The following ADNP variants were observed in gnomAD, a reference collection of about 807,000 sequenced individuals.
ADNP encodes activity dependent neuroprotector homeobox.
In ADNP, 4 loss-of-function variants were observed where a neutral mutation model predicts 84.9. The ratio of observed to expected loss-of-function variants is 0.05; its 90% CI spans 0.02 to 0.11. ADNP has a LOEUF of 0.11. Ranked by LOEUF, ADNP falls within the 10% of genes least tolerant of loss-of-function variation. ADNP has a pLI of 1.00. For synonymous variants in ADNP, 554 were observed against 468.1 expected (o/e 1.18, Z -2.37); for missense variants, 1,132 against 1,326.0 (o/e 0.85, Z 2.27).
rs1350622239 is a variant in ADNP at position 50,893,713 on chromosome 20, A to C, written c.1001T>G (p.Val334Gly). The C allele has an allele frequency of 1.2e-6, 2 of 1,613,874 alleles. No individual in the cohort carries two copies. Among genetic ancestry groups the C allele is most frequent in the South Asian group, 2.2e-5 (2 of 91,076 alleles). Residue 334 changes from valine (V) to glycine (G), a missense_variant, in exon 6 of 6, where the codon GTC (valine) becomes GGC (glycine). Physicochemically the swap from Val to Gly is moderately radical, Grantham distance 109 (BLOSUM62 -3). Around this residue, in one of 10 missense-constraint regions of ADNP, gnomAD observed 239 missense variants for 213.2 expected, o/e 1.12. Coordinates refer to ENST00000621696, the MANE Select transcript of ADNP (RefSeq NM_001282531.3). The surrounding 1 kb of genome is among the most constrained non-coding windows in gnomAD (Gnocchi z 4.4). ...ACTGTAACCCTGGCCTACAGATTTG[A>C]CTCCATAGTTGTTCTGCTGCAGATG... ...SVHLQQNNYG[V>G]KSVGQGYSVG...
intron 2 of ADNP, among the ~76,000 whole-genome samples, chr20:50,913,541 T>C (rs1233224472): frequency 6.6e-6 from 1 of 152,194 alleles, no homozygotes; most frequent in African/African-American, 2.4e-5. Flanking sequence ...TAAGTTATGC[T>C]GGCAATTTTC....
rs1982189409 is a variant in ADNP at position 50,903,525 on chromosome 20, C to G, written c.108+364G>C. Among the ~76,000 whole-genome samples, 8 of 152,326 alleles carry G rather than the reference C, an allele frequency of 5.3e-5. No individual in the cohort carries two copies. The South Asian group carries it at 1.7e-3, about 32-fold the overall frequency. On this transcript the variant is annotated intron_variant, in intron 4 of 5. Transcript: ENST00000621696. ...AGTCCCACAGACACTGCCACTTTCT[C>G]AGCTGCAAGGCTGGGCCTATTTATT...
At chr20:50,904,256 TCA>T in intron 3 of ADNP, 1 of 423,772 alleles carries the variant, frequency 2.4e-6, no homozygotes, top group Non-Finnish European at 4.3e-6. Context: ...TGCAGTGCAC[TCA>T]TGGTTCATTG....
At chr20:50,902,988 A>G (rs779900933) in intron 4 of ADNP, among the ~76,000 whole-genome samples, 2 of 152,236 alleles carry the variant, frequency 1.3e-5, no homozygotes, top group African/African-American at 2.4e-5. Flanking sequence ...CTCTTCAAGT[A>G]TTATTAGTGG....
chr20:50,910,581 T>C (rs1221660846), intron 2 of ADNP, among the ~76,000 whole-genome samples: 1 of 152,230 alleles, frequency 6.6e-6, no homozygotes, highest in Non-Finnish European at 1.5e-5. Flanking sequence ...AGTAAGGCCC[T>C]GCCTCTAAAT....
intron 2 of ADNP, 135 bp downstream of exon 2, chr20:50,928,516 A>C (rs1984436962): frequency 6.6e-6 from 1 of 152,274 alleles, no homozygotes. Flanking sequence ...TACTGCAACC[A>C]GCTCTAACCG....
At chr20:50,925,698 G>C (rs1984243955) in intron 2 of ADNP, among the ~76,000 whole-genome samples, 1 of 152,226 alleles carries the variant, frequency 6.6e-6, no homozygotes, top group African/African-American at 2.4e-5. Flanking sequence ...GTTTATACTA[G>C]TTTCAAACAC....
At chr20:50,921,902 G>A (rs1405733174) in intron 2 of ADNP, among the ~76,000 whole-genome samples, 1 of 152,172 alleles carries the variant, frequency 6.6e-6, no homozygotes, top group Non-Finnish European at 1.5e-5. Flanking sequence ...AGTGTGAGGT[G>A]AGGAGCACTT....
Position 50,889,559 on chromosome 20 carries a change from CA to C in ADNP, c.*1845del, listed in dbSNP as rs889164937. The C allele has an allele frequency of 2.7e-5, 7 of 259,458 alleles. No individual in the cohort carries two copies. The highest frequency in any genetic ancestry group is 1.5e-4 in the African/African-American group (7 of 45,556). The allele number at this position is 259,458 out of a possible 1,614,324, so 16.1% of individuals were successfully genotyped here. ...GCTTACATTTTAGGGAGAGGCTGGTCAAATCTCTACTCTCTGGTAACAGCAT... is the reference window on the plus strand; with the variant it reads ...GCTTACATTTTAGGGAGAGGCTGGTCAATCTCTACTCTCTGGTAACAGCAT... On this transcript the variant is annotated 3_prime_UTR_variant, in exon 6 of 6. Transcript: ENST00000621696.
chr20:50,894,556 A>G, intron 5 of ADNP, 44 bp from the exon 6 acceptor site: 1 of 1,538,182 alleles, frequency 6.5e-7, no homozygotes, highest in Non-Finnish European at 8.7e-7. Flanking sequence ...CACTTCAGAT[A>G]GGCAGTTAAC....
intron 2 of ADNP, among the ~76,000 whole-genome samples, chr20:50,920,524 C>T (rs1983886420): frequency 6.8e-6 from 1 of 147,852 alleles, no homozygotes; most frequent in Admixed American, 6.8e-5. Flanking sequence ...AGGTTGAGAT[C>T]GCGCCACTGC....
chr20:50,904,040 TACA>T (rs1982238546), intron 3 of ADNP, 39 bp from the exon 4 acceptor site: 1 of 1,447,254 alleles, frequency 6.9e-7, no homozygotes, highest in African/African-American at 1.4e-5. Context: ...TCAAAACACG[TACA>T]ACTTGTAATA....
chr20:50,901,321 T>TAAAAAAA (rs11470054), intron 5 of ADNP, among the ~76,000 whole-genome samples: 2 of 92,756 alleles, frequency 2.2e-5, no homozygotes, highest in Admixed American at 1.3e-4. Flanking sequence ...CTGGGGTATT[T>TAAAAAAA]AAAAAAAAAA....
Position 50,892,218 on chromosome 20 carries a change from A to C in ADNP, c.2496T>G (p.Asn832Lys). The C allele has an allele frequency of 1.2e-6, 2 of 1,614,116 alleles. No homozygotes were observed. Among genetic ancestry groups the C allele is most frequent in the Non-Finnish European group, 1.7e-6 (2 of 1,180,030 alleles). ...CAAAATCCATCTCATGCTTGACTTT[A>C]TTTAATTCTTTCATGTTAAACCCCA... ...VLLGFNMKEL[N>K]KVKHEMDFDA... The change falls in exon 6 of 6, where the codon AAT becomes AAG. Residue 832 changes from asparagine to lysine, a missense_variant. Physicochemically the swap from Asn to Lys is moderately conservative, Grantham distance 94 (BLOSUM62 0). Around this residue, in one of 10 missense-constraint regions of ADNP, gnomAD observed 381 missense variants for 319.9 expected, o/e 1.19. Transcript: ENST00000621696.
chr20:50,892,588 G>A lies in ADNP; in HGVS notation c.2126C>T (p.Ser709Phe), dbSNP rs1401494239. 2 of 1,614,126 alleles carry A rather than the reference G, an allele frequency of 1.2e-6. No individual in the cohort carries two copies. The highest frequency in any genetic ancestry group is 1.7e-6 in the Non-Finnish European group (2 of 1,180,058). The stretch of plus-strand genomic sequence containing the variant: ...GCGCTTCACAGGTGCCAGACTTGGA[G>A]ACTGATTAAGCCGAGAGGGTGCATT... ...KTNAPSRLNQ[S>F]PSLAPVKRTY... The change falls in exon 6 of 6, where the codon TCT (serine) becomes TTT (phenylalanine). Residue 709 changes from serine to phenylalanine, a missense_variant. Coordinates refer to ENST00000621696, the MANE Select transcript of ADNP (RefSeq NM_001282531.3).
chr20:50,913,463 A>G (rs1983246939), intron 2 of ADNP, among the ~76,000 whole-genome samples: 1 of 151,952 alleles, frequency 6.6e-6, no homozygotes, highest in Non-Finnish European at 1.5e-5. Context: ...ATCTCTTATA[A>G]CCCCCACTGG....
intron 2 of ADNP, among the ~76,000 whole-genome samples, chr20:50,917,369 G>C (rs1983590009): frequency 6.6e-6 from 1 of 152,198 alleles, no homozygotes; most frequent in South Asian, 2.1e-4. Flanking sequence ...AAGGACACTT[G>C]TCTTAAATCA....
At chr20:50,913,118 T>G (rs1351244304) in intron 2 of ADNP, among the ~76,000 whole-genome samples, 2 of 151,668 alleles carry the variant, frequency 1.3e-5, no homozygotes, top group African/African-American at 4.8e-5. Flanking sequence ...CTGGGCATGG[T>G]GGCACATACC....
chr20:50,912,296 G>A (rs1288217657), intron 2 of ADNP, among the ~76,000 whole-genome samples: 1 of 152,006 alleles, frequency 6.6e-6, no homozygotes, highest in Non-Finnish European at 1.5e-5. Context: ...ACAGGCACGC[G>A]CCACCAGGCT....
Sources: allele counts gnomAD v4.1 joint callset (sites outside exome capture counted in the v4.1 genomes callset), GRCh38; gene constraint gnomAD v4.1.1; regional missense constraint gnomAD v4.1.1; non-coding constraint Gnocchi (gnomAD v3.1); transcripts MANE v1.5; gene names NCBI Gene and HGNC (gene_info 2026-07-23, HGNC 2026-07-21).